The following GPR15LG variants were observed in gnomAD, a reference collection of about 807,000 sequenced individuals.
GPR15LG encodes G protein-coupled receptor 15 ligand.
At chr10:84,180,978 T>C in the GPR15LG span, among the ~76,000 whole-genome samples, 1 of 152,154 alleles carries the variant, frequency 6.6e-6, no homozygotes, top group East Asian at 1.9e-4. Context: ...CCCAGGCACT[T>C]GGCAGGCTGA....
At chr10:84,180,412 T>A in the GPR15LG span, among the ~76,000 whole-genome samples, 1 of 151,876 alleles carries the variant, frequency 6.6e-6, no homozygotes, top group East Asian at 1.9e-4. Flanking sequence ...CCAGACGGGG[T>A]GGCGGCCGGG....
At chr10:84,182,998 A>ACGCTATATATTAC in the GPR15LG span, among the ~76,000 whole-genome samples, 4 of 151,736 alleles carry the variant, frequency 2.6e-5, no homozygotes, top group South Asian at 8.3e-4. Flanking sequence ...GATTATCACT[A>ACGCTATATATTAC]TGGGAAGATC....
the GPR15LG span, among the ~76,000 whole-genome samples, chr10:84,179,990 C>T: frequency 6.6e-6 from 1 of 150,816 alleles, no homozygotes; most frequent in Non-Finnish European, 1.5e-5. Context: ...AACATGTGAA[C>T]AAAGGTCTCT....
At chr10:84,182,160 G>A in the GPR15LG span, among the ~76,000 whole-genome samples, 1 of 152,210 alleles carries the variant, frequency 6.6e-6, no homozygotes, top group South Asian at 2.1e-4. Context: ...ACCCGTTGAG[G>A]ATATGAGGTT....
chr10:84,179,860 A>G, the GPR15LG span, among the ~76,000 whole-genome samples: 7 of 146,522 alleles, frequency 4.8e-5, no homozygotes, highest in Non-Finnish European at 8.9e-5. Flanking sequence ...TACATTTACC[A>G]ATTTGCTTTA....
At chr10:84,179,859 CA>C in the GPR15LG span, among the ~76,000 whole-genome samples, 24 of 139,026 alleles carry the variant, frequency 1.7e-4, no homozygotes, top group South Asian at 1.7e-3. Flanking sequence ...TTACATTTAC[CA>C]ATTTGCTTTA....
chr10:84,178,688 C>A, the GPR15LG span, among the ~76,000 whole-genome samples: 1,173 of 152,280 alleles, frequency 7.7e-3, 9 homozygotes, highest in African/African-American at 0.026. Context: ...GGAGACGTGG[C>A]CATGTTAACT....
At chr10:84,176,545 A>T in the GPR15LG span, 1 of 1,613,936 alleles carries the variant, frequency 6.2e-7, no homozygotes, top group Admixed American at 1.7e-5. Flanking sequence ...CCGAGTCCCT[A>T]GCCCCAACTC....
the GPR15LG span, among the ~76,000 whole-genome samples, chr10:84,178,702 G>A: frequency 1.4e-3 from 211 of 152,274 alleles, no homozygotes; most frequent in African/African-American, 4.7e-3. Flanking sequence ...GTTAACTCCC[G>A]TGCAAGTACA....
the GPR15LG span, among the ~76,000 whole-genome samples, chr10:84,174,888 G>C: frequency 6.6e-6 from 1 of 151,986 alleles, no homozygotes; most frequent in African/African-American, 2.4e-5. Flanking sequence ...AGTGGTTATG[G>C]TTACTCAAAC....
At chr10:84,176,450 C>T in the GPR15LG span, 1 of 1,516,902 alleles carries the variant, frequency 6.6e-7, no homozygotes, top group Admixed American at 1.7e-5. Context: ...CCACTAAAGA[C>T]AGTCTCTCTT....
chr10:84,178,016 GAC>G, the GPR15LG span, among the ~76,000 whole-genome samples: 5 of 151,370 alleles, frequency 3.3e-5, no homozygotes, highest in African/African-American at 1.2e-4. Flanking sequence ...CACACACACA[GAC>G]ACACACAAAT....
the GPR15LG span, among the ~76,000 whole-genome samples, chr10:84,174,436 C>CCAT: frequency 1.3e-5 from 2 of 151,590 alleles, no homozygotes; most frequent in South Asian, 4.2e-4. Context: ...GAAGGGGACA[C>CCAT]CATCTTTTTA....
the GPR15LG span, among the ~76,000 whole-genome samples, chr10:84,176,045 T>C: frequency 2.0e-4 from 30 of 152,076 alleles, no homozygotes; most frequent in African/African-American, 7.2e-4. Flanking sequence ...TGCACCAACA[T>C]GCCAGGCTGA....
the GPR15LG span, among the ~76,000 whole-genome samples, chr10:84,184,264 T>C: frequency 1.3e-5 from 2 of 152,138 alleles, no homozygotes; most frequent in African/African-American, 2.4e-5. Context: ...AAGATGCAAA[T>C]GTAGTTTTGG....
At chr10:84,176,108 G>A in the GPR15LG span, among the ~76,000 whole-genome samples, 93 of 151,758 alleles carry the variant, frequency 6.1e-4, no homozygotes, top group African/African-American at 2.1e-3. Flanking sequence ...GGCTGGTCTC[G>A]AACACTCGAC....
chr10:84,175,380 T>G, the GPR15LG span, among the ~76,000 whole-genome samples: 1,163 of 152,328 alleles, frequency 7.6e-3, 13 homozygotes, highest in African/African-American at 0.022. Flanking sequence ...TTCCTATCCA[T>G]TTAGGACTAT....
chr10:84,184,500 C>T, the GPR15LG span, among the ~76,000 whole-genome samples: 42 of 152,348 alleles, frequency 2.8e-4, no homozygotes, highest in South Asian at 6.2e-4. Context: ...TTGTTTGCCA[C>T]GAAAAGCCCC....
chr10:84,178,624 C>T, the GPR15LG span, among the ~76,000 whole-genome samples: 38 of 152,064 alleles, frequency 2.5e-4, no homozygotes, highest in African/African-American at 8.5e-4. Flanking sequence ...ACACAGCACA[C>T]ACACACTACA....
Sources: allele counts gnomAD v4.1 joint callset (sites outside exome capture counted in the v4.1 genomes callset), GRCh38; gene constraint gnomAD v4.1.1; transcripts MANE v1.5; gene names NCBI Gene and HGNC (gene_info 2026-07-23, HGNC 2026-07-21).